Variants in ZFHX3 observed in about 807,000 individuals in gnomAD.
ZFHX3 encodes the protein zinc finger homeobox protein 3.
In ZFHX3, 42 loss-of-function variants were observed where a neutral mutation model predicts 279.1. The ratio of observed to expected loss-of-function variants is 0.15; its 90% CI spans 0.12 to 0.19. The LOEUF is 0.19. Ranked by LOEUF, ZFHX3 falls within the 10% of genes least tolerant of loss-of-function variation. The pLI, the probability that ZFHX3 is intolerant of heterozygous loss-of-function variation, is 1.00. For synonymous variants in ZFHX3, 2,293 were observed against 1,957.8 expected, an observed-to-expected ratio of 1.17 and a Z score of -4.52; for missense variants, 4,981 against 4,754.0, an observed-to-expected ratio of 1.05 and a Z score of -1.40.
intron 1 of ZFHX3, among the ~76,000 whole-genome samples, chr16:73,833,921 C>T (rs948605895): frequency 3.3e-5 from 5 of 151,498 alleles, no homozygotes; most frequent in Non-Finnish European, 7.4e-5. Flanking sequence ...TATGTAATCT[C>T]AGTTGCTTCC....
intron 2 of ZFHX3, among the ~76,000 whole-genome samples, chr16:73,557,094 C>CCAAA (rs2020297597): frequency 1.5e-5 from 1 of 68,556 alleles, no homozygotes. Context: ...GACTCCGTCT[C>CCAAA]AAAAAAAAAA....
At chr16:73,053,135 TG>T (rs1280305660) in intron 1 of ZFHX3, among the ~76,000 whole-genome samples, 1 of 152,210 alleles carries the variant, frequency 6.6e-6, no homozygotes, top group African/African-American at 2.4e-5. Context: ...GGAAAGCCTT[TG>T]GGGCCTATGC....
chr16:73,777,399 A>T (rs1184245836), intron 1 of ZFHX3, among the ~76,000 whole-genome samples: 1 of 147,640 alleles, frequency 6.8e-6, no homozygotes, highest in East Asian at 2.1e-4. Flanking sequence ...GCTACTCAGG[A>T]GGCTGAGGCA....
intron 3 of ZFHX3, among the ~76,000 whole-genome samples, chr16:73,391,873 T>C (rs12446661): frequency 0.27 from 41,373 of 152,092 alleles, 7,392 homozygotes; most frequent in Non-Finnish European, 0.4. Context: ...TTCAGGTATA[T>C]GTCAATGACA....
chr16:73,731,192 G>C (rs773111960), intron 1 of ZFHX3, among the ~76,000 whole-genome samples: 1 of 152,168 alleles, frequency 6.6e-6, no homozygotes, highest in Non-Finnish European at 1.5e-5. Context: ...GCGTGTATCA[G>C]AAGGAATAAA....
chr16:73,008,135 T>A (rs1418766914), intron 1 of ZFHX3, among the ~76,000 whole-genome samples: 1 of 152,228 alleles, frequency 6.6e-6, no homozygotes, highest in East Asian at 1.9e-4. Flanking sequence ...TCTTTAGGCT[T>A]GTTTTATGCT....
chr16:73,195,413 ATTTTTTTTTT>A (rs9302646), intron 5 of ZFHX3, among the ~76,000 whole-genome samples: 12 of 93,118 alleles, frequency 1.3e-4, no homozygotes, highest in South Asian at 1.1e-3. Flanking sequence ...TGTCTTTACT[ATTTTTTTTTT>A]TTTTTTTTTT....
intron 8 of ZFHX3, among the ~76,000 whole-genome samples, chr16:73,079,824 T>C (rs1432204581): frequency 6.6e-6 from 1 of 152,238 alleles, no homozygotes; most frequent in Non-Finnish European, 1.5e-5. Context: ...TGAGCACCTC[T>C]GGCACTGTGG....
chr16:73,681,965 T>A (rs2142195736), intron 1 of ZFHX3, among the ~76,000 whole-genome samples: 1 of 152,330 alleles, frequency 6.6e-6, no homozygotes, highest in East Asian at 1.9e-4. Context: ...TAATGATATA[T>A]ACCTATCTAG....
chr16:73,795,541 T>C (rs766312332), intron 1 of ZFHX3, among the ~76,000 whole-genome samples: 2 of 152,182 alleles, frequency 1.3e-5, no homozygotes, highest in Non-Finnish European at 2.9e-5. Context: ...AGAACCTTTC[T>C]ATCTCATTAA....
At chr16:72,980,946 A>G (rs1361897364) in intron 1 of ZFHX3, among the ~76,000 whole-genome samples, 1 of 152,130 alleles carries the variant, frequency 6.6e-6, no homozygotes, top group Non-Finnish European at 1.5e-5. Context: ...CTACTTTTAT[A>G]CAGTAATTTT....
chr16:73,009,735 A>C (rs1204203818), intron 1 of ZFHX3, among the ~76,000 whole-genome samples: 1 of 152,046 alleles, frequency 6.6e-6, no homozygotes, highest in African/African-American at 2.4e-5. Context: ...GAAACTCACA[A>C]AGGGGCCAGT....
At chr16:73,766,771 C>T (rs1191406950) in intron 1 of ZFHX3, among the ~76,000 whole-genome samples, 1 of 152,112 alleles carries the variant, frequency 6.6e-6, no homozygotes, top group Non-Finnish European at 1.5e-5. Flanking sequence ...GTTGTCGCCA[C>T]TCACTGTGCC....
Position 72,784,822 on chromosome 16 carries a change from C to T in ZFHX3, c.*2342G>A, listed in dbSNP as rs1278243276. On this transcript the variant is annotated 3_prime_UTR_variant, in exon 10 of 10. Coordinates refer to ENST00000268489, the MANE Select transcript of ZFHX3 (RefSeq NM_006885.4). Reference sequence around the variant, plus strand: ...AATTAAAAAAGGAATTTGCACTGTGCATCAGCCTAGTTAGAAATATGTACA... The same window carrying T: ...AATTAAAAAAGGAATTTGCACTGTGTATCAGCCTAGTTAGAAATATGTACA... The T allele has an allele frequency of 6.6e-6, 1 of 152,308 alleles. No individual in the cohort carries two copies. Among genetic ancestry groups the T allele is most frequent in the Admixed American group, 6.6e-5 (1 of 15,262 alleles). 9.4% of individuals were successfully genotyped at this position (152,308 alleles called of 1,614,324 possible). A position where few individuals can be genotyped will look rare whatever the true frequency, so the allele number is the denominator to read the frequency against.
At chr16:73,671,058 T>C (rs892296983) in intron 2 of ZFHX3, among the ~76,000 whole-genome samples, 5 of 152,190 alleles carry the variant, frequency 3.3e-5, no homozygotes, top group African/African-American at 1.2e-4. Flanking sequence ...TGGAAGTGCA[T>C]GATGGGTGGT....
intron 1 of ZFHX3, among the ~76,000 whole-genome samples, chr16:73,728,251 C>T (rs1046594172): frequency 2.6e-5 from 4 of 152,046 alleles, no homozygotes; most frequent in African/African-American, 9.7e-5. Flanking sequence ...ACCACATGAG[C>T]CAGAGAGAGG....
At chr16:73,453,800 A>G (rs1256818137) in intron 3 of ZFHX3, among the ~76,000 whole-genome samples, 1 of 152,250 alleles carries the variant, frequency 6.6e-6, no homozygotes, top group African/African-American at 2.4e-5. Context: ...ATGGCGGCAG[A>G]TAAGAGAATT....
chr16:73,655,520 T>C (rs963765233), intron 2 of ZFHX3, among the ~76,000 whole-genome samples: 2 of 152,160 alleles, frequency 1.3e-5, no homozygotes, highest in Non-Finnish European at 2.9e-5. Context: ...AAGATACTGA[T>C]TACATTAACG....
chr16:72,992,201 G>C (rs899233670), intron 1 of ZFHX3, among the ~76,000 whole-genome samples: 1 of 152,052 alleles, frequency 6.6e-6, no homozygotes, highest in Admixed American at 6.6e-5. Flanking sequence ...AAATGAAAGC[G>C]TTTCTCCGCC....
Sources: gnomAD v4.1 joint callset for allele counts (sites outside exome capture counted in the v4.1 genomes callset) on GRCh38, gnomAD v4.1.1 for gene constraint, MANE v1.5 for transcripts, NCBI Gene and HGNC (gene_info 2026-07-23, HGNC 2026-07-21) for gene names.